The following ECPAS variants were observed in gnomAD, a reference collection of about 807,000 sequenced individuals.
The protein encoded by ECPAS is proteasome adapter and scaffold protein ECM29.
In ECPAS, 70 loss-of-function variants were observed where a neutral mutation model predicts 255.1. That is an observed-to-expected ratio of 0.27 (90% confidence interval 0.23 to 0.33). The LOEUF (loss-of-function observed/expected upper bound fraction) is 0.33, where lower values mean the gene tolerates loss of function less well. ECPAS is among the 10% of genes least tolerant of loss of function. ECPAS has a pLI of 1.00. For synonymous variants in ECPAS, 784 were observed against 775.0 expected (o/e 1.01, Z -0.19); for missense variants, 1,817 against 2,206.4 (o/e 0.82, Z 3.54).
intron 43 of ECPAS, 25 bp downstream of exon 43, chr9:111,371,596 A>C: frequency 6.3e-7 from 1 of 1,590,326 alleles, no homozygotes; most frequent in Non-Finnish European, 8.6e-7. Context: ...GAATCCCTTT[A>C]ACTGGGTATG....
At chr9:111,480,985 T>C (rs952321496) in intron 1 of ECPAS, among the ~76,000 whole-genome samples, 1 of 152,244 alleles carries the variant, frequency 6.6e-6, no homozygotes, top group Admixed American at 6.5e-5. Flanking sequence ...TCTAGTTTTG[T>C]TCCCATTCCT....
At chr9:111,472,771 C>G (rs1352367690) in intron 2 of ECPAS, 126 bp downstream of exon 2, 1 of 201,166 alleles carries the variant, frequency 5.0e-6, no homozygotes, top group Admixed American at 6.1e-5. Context: ...TTTTCTCAGG[C>G]TAGCTAGAAA....
At chr9:111,423,080 C>T in intron 13 of ECPAS, 119 bp downstream of exon 13, 1 of 713,454 alleles carries the variant, frequency 1.4e-6, no homozygotes, top group Non-Finnish European at 2.4e-6. Flanking sequence ...CAACCTATGA[C>T]CATTAAATAC....
rs903364514 is a variant in ECPAS, at chr9:111,480,909, T to C, written c.-83+3207A>G. Among the ~76,000 whole-genome samples the C allele has an allele frequency of 3.9e-5, 6 of 152,236 alleles. No individual in the cohort carries two copies. In the South Asian group the frequency reaches 1.2e-3, roughly 31 times the overall value. On this transcript the variant is annotated intron_variant, in intron 1 of 49. Coordinates refer to ENST00000684092, the MANE Select transcript of ECPAS (RefSeq NM_001364929.1). The stretch of plus-strand genomic sequence containing the variant: ...AACTATCAGCATCTTAACCAGTACC[T>C]GAATGTATGGAAGCACACTGCATAG...
At position 111,407,256 on chromosome 9, in the gene ECPAS, G is replaced by A. The variant is rs143571311; in HGVS notation, c.2652+1315C>T. Among the ~76,000 whole-genome samples, 1,311 of 146,822 alleles carry A rather than the reference G, an allele frequency of 8.9e-3. 76 individuals carry two copies. The highest frequency in any genetic ancestry group is 0.076 in the Admixed American group (1,144 of 14,972). On this transcript the variant is annotated intron_variant, in intron 24 of 49. Coordinates refer to ENST00000684092, the MANE Select transcript of ECPAS (RefSeq NM_001364929.1). ...GTCTCTATTAAAAATACAAATATTA[G>A]CCAGGTGTGGTGGCGTGCGCTTGTA...
chr9:111,383,312 G>T lies in ECPAS; in HGVS notation c.3702C>A (p.Asp1234Glu), dbSNP rs1049045607. 1 of 1,611,882 alleles carries T rather than the reference G, an allele frequency of 6.2e-7. No homozygotes were observed. Among genetic ancestry groups the T allele is most frequent in the Non-Finnish European group, 8.5e-7 (1 of 1,178,986 alleles). ...TCTGGCCAGCTGCTCCTTTGGCAGG[G>T]TCACACATTTTCACACAGACCTCAC... ...TLSKVCVKMC[D>E]PAKGAAGQRT... The change falls in exon 35 of 50, where the codon GAC becomes GAA. Residue 1234 changes from aspartate (D) to glutamate (E), a missense_variant. Asp to Glu is a conservative substitution (Grantham distance 45, BLOSUM62 2). Coordinates refer to ENST00000684092, the MANE Select transcript of ECPAS (RefSeq NM_001364929.1).
chr9:111,403,842 T>C (rs1019949003), intron 24 of ECPAS, among the ~76,000 whole-genome samples: 25 of 149,894 alleles, frequency 1.7e-4, no homozygotes, highest in Admixed American at 3.3e-4. Flanking sequence ...TTTTCCAGGA[T>C]AGACCATATG....
chr9:111,386,380 G>C lies in ECPAS; in HGVS notation c.3524C>G (p.Ser1175Cys). ...CTTATATTCCTAAAAACGGTACCTG[G>C]ATTCTCGAACTCGCCACATATTGCT... ...LTSNMWRVRE[S>C]SCLALNDLLR... The change falls in exon 32 of 50, where the codon TCC becomes TGC. Residue 1175 changes from serine to cysteine, a missense_variant. Coordinates refer to ENST00000684092, the MANE Select transcript of ECPAS (RefSeq NM_001364929.1). The C allele has an allele frequency of 6.3e-7, 1 of 1,582,818 alleles. No homozygotes were observed. Among genetic ancestry groups the C allele is most frequent in the South Asian group, 1.1e-5 (1 of 88,380 alleles).
At chr9:111,481,211 T>C (rs1445025730) in intron 1 of ECPAS, among the ~76,000 whole-genome samples, 1 of 152,130 alleles carries the variant, frequency 6.6e-6, no homozygotes, top group Non-Finnish European at 1.5e-5. Flanking sequence ...AACAGTACAG[T>C]GGGGGCCGGG....
intron 7 of ECPAS, among the ~76,000 whole-genome samples, chr9:111,433,771 A>C (rs1019050293): frequency 1.3e-5 from 2 of 152,168 alleles, no homozygotes; most frequent in Non-Finnish European, 2.9e-5. Context: ...TGGGGCCTCC[A>C]GATAAGAGGG....
In ECPAS at chr9:111,362,123, T is replaced by A. The variant is rs1589101012; in HGVS notation, c.5427A>T (p.Leu1809=). Residue 1809 remains leucine (L), a synonymous_variant, in exon 50 of 50, where the codon CTA becomes CTT. Coordinates refer to ENST00000684092, the MANE Select transcript of ECPAS (RefSeq NM_001364929.1). ...ECLTSECRVL[L]IESLATMEPD... ...GCTCCATAGTAGCTAAAGACTCAAT[T>A]AGGAGCACTCTGCATTCAGATGTCA... The A allele has an allele frequency of 6.2e-7, 1 of 1,608,340 alleles. No homozygotes were observed. The highest frequency in any genetic ancestry group is 1.1e-5 in the South Asian group (1 of 90,822).
Position 111,412,106 on chromosome 9 carries a change from C to T in ECPAS, c.2122G>A (p.Ala708Thr). The change falls in exon 21 of 50, where the codon GCG becomes ACG. Residue 708 changes from alanine to threonine, a missense_variant. Physicochemically the swap from Ala to Thr is moderately conservative, Grantham distance 58. Coordinates refer to ENST00000684092, the MANE Select transcript of ECPAS (RefSeq NM_001364929.1). ...NSKEEMRELAALFYSVVVSTV... is the reference protein window; with the variant it reads ...NSKEEMRELATLFYSVVVSTV... The stretch of plus-strand genomic sequence containing the variant: ...GATACCACTACAGAATAAAACAACG[C>T]TGCCAGTTCGCGCATTTCTTCTTTA... 6.3e-7 allele frequency: 1 copy of T among 1,594,414 alleles called. No homozygotes were observed. The highest frequency in any genetic ancestry group is 8.5e-7 in the Non-Finnish European group (1 of 1,174,570).
At position 111,442,574 on chromosome 9, in the gene ECPAS, C is replaced by T. The variant is rs910081713; in HGVS notation, c.271-150G>A. 6.8e-5 allele frequency: 41 copies of T among 599,736 alleles called. 2 individuals carry two copies. Among genetic ancestry groups the T allele is most frequent in the Middle Eastern group, 4.6e-4 (1 of 2,186 alleles). 37.2% of individuals were successfully genotyped at this position (599,736 alleles called of 1,614,324 possible). On this transcript the variant is annotated intron_variant, in intron 4 of 49. Transcript: ENST00000684092. ...CCCTCCACGTTTATTGCACCTTTAC[C>T]AACTACTGTATCTCAGAGGAAAAAT...
intron 7 of ECPAS, among the ~76,000 whole-genome samples, chr9:111,433,828 A>G (rs967149638): frequency 6.6e-6 from 1 of 152,228 alleles, no homozygotes; most frequent in Non-Finnish European, 1.5e-5. Flanking sequence ...TGACAGTTCA[A>G]AAAAGAACTA....
At chr9:111,384,422 C>T in intron 34 of ECPAS, 100 bp downstream of exon 34, 2 of 1,080,468 alleles carry the variant, frequency 1.9e-6, no homozygotes, top group East Asian at 2.4e-5. Context: ...GCCAATTATA[C>T]TGCAACTAAA....
intron 1 of ECPAS, chr9:111,483,505 C>T: frequency 1.0e-6 from 1 of 979,378 alleles, no homozygotes; most frequent in Non-Finnish European, 1.2e-6. Flanking sequence ...GGCACTTACT[C>T]AGCTCATCCT....
At chr9:111,394,927 C>T (rs1221386697) in intron 25 of ECPAS, among the ~76,000 whole-genome samples, 1 of 152,224 alleles carries the variant, frequency 6.6e-6, no homozygotes, top group Non-Finnish European at 1.5e-5. Flanking sequence ...CATGTTCAAA[C>T]TTTGCTCTTC....
chr9:111,452,719 A>G (rs2098261945), intron 2 of ECPAS, among the ~76,000 whole-genome samples: 1 of 152,234 alleles, frequency 6.6e-6, no homozygotes, highest in Non-Finnish European at 1.5e-5. Flanking sequence ...GTAGATAGAT[A>G]CATGGATAGA....
chr9:111,454,305 G>GGAGATGGGGGGGTGGGGT (rs1345538693), intron 2 of ECPAS, among the ~76,000 whole-genome samples: 1 of 143,816 alleles, frequency 7.0e-6, no homozygotes, highest in Non-Finnish European at 1.5e-5. Context: ...AACGGTGGGG[G>GGAGATGGGGGGGTGGGGT]GAGATGGGGG....
Sources: gnomAD v4.1 joint callset for allele counts (sites outside exome capture counted in the v4.1 genomes callset) on GRCh38, gnomAD v4.1.1 for gene constraint, MANE v1.5 for transcripts, NCBI Gene and HGNC (gene_info 2026-07-23, HGNC 2026-07-21) for gene names.